The following IL15 variants were observed in gnomAD, a reference collection of about 807,000 sequenced individuals.
IL15 encodes interleukin 15, also known as interleukin-15.
In IL15, 11 loss-of-function variants were observed where a neutral mutation model predicts 19.6. The observed-to-expected ratio is 0.56, with a 90% CI of 0.35 to 0.93. The LOEUF is 0.93. Ranked by LOEUF, IL15 falls within the 40% of genes least tolerant of loss-of-function variation. The pLI is 0.01. For synonymous variants in IL15, 58 were observed against 59.6 expected (o/e 0.97, Z 0.12); for missense variants, 197 against 186.5 (o/e 1.06, Z -0.33).
chr4:141,698,676 T>G (rs1047794880), intron 2 of IL15, among the ~76,000 whole-genome samples: 83 of 152,088 alleles, frequency 5.5e-4, no homozygotes, highest in African/African-American at 1.9e-3. Flanking sequence ...TGGTATTGGT[T>G]GTAATATCTC....
chr4:141,729,159 A>G (rs1204309745), intron 6 of IL15, among the ~76,000 whole-genome samples: 1 of 152,112 alleles, frequency 6.6e-6, no homozygotes, highest in Non-Finnish European at 1.5e-5. Flanking sequence ...TTATCCATTC[A>G]GTAAGCATTT....
intron 2 of IL15, among the ~76,000 whole-genome samples, chr4:141,708,220 A>G (rs186293798): frequency 6.6e-6 from 1 of 152,066 alleles, no homozygotes; most frequent in Non-Finnish European, 1.5e-5. Flanking sequence ...GTTCCCTGAG[A>G]TAGTGGTGTG....
intron 7 of IL15, 108 bp downstream of exon 7, chr4:141,730,092 G>A: frequency 1.2e-6 from 1 of 868,254 alleles, no homozygotes; most frequent in Non-Finnish European, 1.9e-6. Flanking sequence ...AGGAGAAGGA[G>A]TCCTGTTCCA....
intron 7 of IL15, 147 bp downstream of exon 7, chr4:141,730,131 C>T: frequency 4.2e-6 from 3 of 715,816 alleles, no homozygotes. Context: ...GTGGCACCAT[C>T]TCCAGCATGC....
chr4:141,730,211 C>T (rs1178197089), intron 7 of IL15, among the ~76,000 whole-genome samples: 2 of 152,232 alleles, frequency 1.3e-5, no homozygotes, highest in East Asian at 3.9e-4. Context: ...AGGTAGTGTG[C>T]TTCAGTGCTA....
At chr4:141,666,260 C>G (rs994770436) in intron 2 of IL15, among the ~76,000 whole-genome samples, 1 of 152,034 alleles carries the variant, frequency 6.6e-6, no homozygotes, top group African/African-American at 2.4e-5. Context: ...ACCACTAGGT[C>G]CCCGGGCGTG....
intron 1 of IL15, among the ~76,000 whole-genome samples, chr4:141,654,438 G>A (rs984494481): frequency 6.6e-6 from 1 of 152,226 alleles, no homozygotes; most frequent in Non-Finnish European, 1.5e-5. Flanking sequence ...TAAAGGAAAT[G>A]CTTATCAGTT....
At chr4:141,646,487 C>T (rs1420056672) in intron 1 of IL15, among the ~76,000 whole-genome samples, 2 of 152,104 alleles carry the variant, frequency 1.3e-5, no homozygotes, top group African/African-American at 4.8e-5. Context: ...TCTCAAATAT[C>T]CCTGTTGCAA....
At chr4:141,649,037 G>T (rs978601060) in intron 1 of IL15, among the ~76,000 whole-genome samples, 2 of 152,072 alleles carry the variant, frequency 1.3e-5, no homozygotes, top group Non-Finnish European at 2.9e-5. Flanking sequence ...ACAGCTGAGT[G>T]TCCAGGATAC....
intron 1 of IL15, among the ~76,000 whole-genome samples, chr4:141,637,502 C>A (rs895150043): frequency 3.3e-5 from 5 of 151,680 alleles, no homozygotes; most frequent in African/African-American, 1.2e-4. Context: ...AAAATACGAG[C>A]GAATTTCACT....
rs1368824870 is a variant in IL15 at position 141,641,842 on chromosome 4, T to A, written c.-222+5094T>A. On this transcript the variant is annotated intron_variant, in intron 1 of 7. Transcript: ENST00000320650. ...GTACCCTAGAACTTAAAGTATAATTTAAAAAAAAAAAAGCCGCAATGTGGT... is the reference window on the plus strand; with the variant it reads ...GTACCCTAGAACTTAAAGTATAATTAAAAAAAAAAAAAGCCGCAATGTGGT... 2.4e-3 allele frequency among the ~76,000 whole-genome samples: 343 copies of A among 142,046 alleles called. 2 individuals are homozygous for A. Among genetic ancestry groups the A allele is most frequent in the African/African-American group, 7.1e-3 (276 of 38,966 alleles). 93.2% of individuals were successfully genotyped at this position (142,046 alleles called of 152,430 possible).
At chr4:141,715,469 T>G (rs771234397) in intron 2 of IL15, 2 of 152,224 alleles carry the variant, frequency 1.3e-5, no homozygotes, top group Non-Finnish European at 2.9e-5. Context: ...CTTGTTTCCT[T>G]TTTCCTAGAT....
chr4:141,731,297 TG>T (rs1730444279), intron 7 of IL15, among the ~76,000 whole-genome samples: 1 of 152,160 alleles, frequency 6.6e-6, no homozygotes, highest in East Asian at 1.9e-4. Context: ...TTTTATGTAA[TG>T]GGTATTGTCT....
At chr4:141,721,188 A>C in intron 4 of IL15, 1 of 965,228 alleles carries the variant, frequency 1.0e-6, no homozygotes, top group Non-Finnish European at 1.7e-6. Context: ...GTAATTCTTC[A>C]TCATAAGACA....
At chr4:141,689,930 C>G (rs528176294) in intron 2 of IL15, among the ~76,000 whole-genome samples, 1 of 152,150 alleles carries the variant, frequency 6.6e-6, no homozygotes, top group Non-Finnish European at 1.5e-5. Flanking sequence ...CGGGGAGGCT[C>G]GGGCCTCACA....
intron 2 of IL15, among the ~76,000 whole-genome samples, chr4:141,685,113 A>G (rs1352452149): frequency 2.0e-5 from 3 of 152,200 alleles, no homozygotes; most frequent in Non-Finnish European, 2.9e-5. Context: ...GTACGTTGCG[A>G]TGTTATACAC....
intron 2 of IL15, among the ~76,000 whole-genome samples, chr4:141,672,347 T>C (rs915008270): frequency 6.6e-6 from 1 of 152,228 alleles, no homozygotes; most frequent in African/African-American, 2.4e-5. Context: ...TTTAAGTCAG[T>C]TTTCCTCTTA....
At chr4:141,665,665 T>A (rs927930022) in intron 2 of IL15, among the ~76,000 whole-genome samples, 1 of 152,236 alleles carries the variant, frequency 6.6e-6, no homozygotes, top group African/African-American at 2.4e-5. Flanking sequence ...TCTTTTTGCC[T>A]TTCAATCTAG....
chr4:141,706,511 T>G (rs555399480), intron 2 of IL15, among the ~76,000 whole-genome samples: 1 of 152,240 alleles, frequency 6.6e-6, no homozygotes, highest in Non-Finnish European at 1.5e-5. Context: ...CCTATACTGG[T>G]GAGCTTTATA....
Sources: gnomAD v4.1 joint callset for allele counts (sites outside exome capture counted in the v4.1 genomes callset) on GRCh38, gnomAD v4.1.1 for gene constraint, MANE v1.5 for transcripts, NCBI Gene and HGNC (gene_info 2026-07-23, HGNC 2026-07-21) for gene names.